The following MPDZ variants were observed in gnomAD, a reference collection of about 807,000 sequenced individuals.
MPDZ encodes the protein multiple PDZ domain crumbs cell polarity complex component.
A neutral mutation model predicts 239.1 loss-of-function variants in MPDZ; 234 were observed. That is an observed-to-expected ratio of 0.98 (90% CI 0.88 to 1.09). The LOEUF is 1.09. MPDZ is among the 50% of genes least tolerant of loss of function. The pLI is 0.00. For missense variants in MPDZ, 3,175 were observed against 2,510.0 expected (o/e 1.26, Z -5.66); for synonymous variants, 1,048 against 881.3 (o/e 1.19, Z -3.35).
rs757792231 is a variant in MPDZ, at chr9:13,110,107, G to A, written c.5830-43C>T. On this transcript the variant is annotated intron_variant, in intron 44 of 46. Coordinates refer to ENST00000319217, the MANE Select transcript of MPDZ (RefSeq NM_001378778.1). ...ATAAACAGAAAAAACACATGTTCCT[G>A]TGGCTAGGGAAAGTAATTTTTCTTC... 6.3e-6 allele frequency: 9 copies of A among 1,438,504 alleles called. No homozygotes were observed. The East Asian group carries it at 1.4e-4, about 22-fold the overall frequency. The allele number at this position is 1,438,504 out of a possible 1,614,324, so 89.1% of individuals were successfully genotyped here.
At chr9:13,108,802 A>T in intron 46 of MPDZ, 134 bp downstream of exon 46, 1 of 806,790 alleles carries the variant, frequency 1.2e-6, no homozygotes, top group Non-Finnish European at 1.7e-6. Context: ...CTGTTCCTGT[A>T]GGGAGTTTTG....
In MPDZ at chr9:13,222,276, C is replaced by A. The variant is rs577701969; in HGVS notation, c.704G>T (p.Arg235Leu). The change falls in exon 6 of 47, where the codon CGT becomes CTT. Residue 235 changes from arginine (R) to leucine (L), a missense_variant. Transcript: ENST00000319217. ...AATTGTGCTGGCTGCAGATGGAGAA[C>A]GGGAAACTATGGGGCTGACAAGCTG... ...LPQLVSPIVS[R>L]SPSAASTISA... 16 of 1,612,726 alleles carry A rather than the reference C, an allele frequency of 9.9e-6. No homozygotes were observed. Among genetic ancestry groups the A allele is most frequent in the South Asian group, 8.8e-5 (8 of 91,022 alleles).
Position 13,276,234 on chromosome 9 carries a change from A to T in MPDZ, c.-58+3166T>A, listed in dbSNP as rs1365317873. Among the ~76,000 whole-genome samples, 9 of 152,276 alleles carry T rather than the reference A, an allele frequency of 5.9e-5. No homozygotes were observed. In the East Asian group the frequency reaches 1.7e-3, roughly 29 times the overall value. Reference sequence around the variant, plus strand: ...TGAATACCTCGGATCTTCTCTGGAAACGTATCACAGGAAGGCAATGGATTC... The same window carrying T: ...TGAATACCTCGGATCTTCTCTGGAATCGTATCACAGGAAGGCAATGGATTC... On this transcript the variant is annotated intron_variant, in intron 1 of 46. Transcript: ENST00000319217.
chr9:13,189,690 C>T (rs1227181778), intron 16 of MPDZ, among the ~76,000 whole-genome samples: 2 of 152,088 alleles, frequency 1.3e-5, no homozygotes, highest in Non-Finnish European at 2.9e-5. Flanking sequence ...TAAGTATATT[C>T]ATAAATTTAG....
intron 24 of MPDZ, among the ~76,000 whole-genome samples, chr9:13,156,532 C>G (rs758166432): frequency 6.6e-6 from 1 of 152,120 alleles, no homozygotes; most frequent in Admixed American, 6.6e-5. Flanking sequence ...ACCATCAGGT[C>G]TCCTGAGGCC....
chr9:13,225,606 C>G (rs1960325094), intron 3 of MPDZ, among the ~76,000 whole-genome samples: 1 of 151,874 alleles, frequency 6.6e-6, no homozygotes, highest in Non-Finnish European at 1.5e-5. Context: ...TGTACCTTTT[C>G]TATATTTAGA....
At chr9:13,201,609 T>C (rs1363103984) in intron 12 of MPDZ, among the ~76,000 whole-genome samples, 4 of 151,994 alleles carry the variant, frequency 2.6e-5, no homozygotes, top group Non-Finnish European at 5.9e-5. Context: ...CTTCACTCTT[T>C]TAAATTCTTT....
At chr9:13,147,520 G>A (rs778855276) in intron 26 of MPDZ, 28 bp downstream of exon 26, 2 of 1,529,100 alleles carry the variant, frequency 1.3e-6, no homozygotes, top group East Asian at 2.3e-5. Context: ...GTTTGGATAT[G>A]CCTACCTTGC....
At chr9:13,123,322 T>C (rs1222609509) in intron 35 of MPDZ, 24 bp from the exon 36 acceptor site, 1 of 1,567,912 alleles carries the variant, frequency 6.4e-7, no homozygotes, top group South Asian at 1.2e-5. Context: ...AAAAATGAAA[T>C]ACAAATAAAA....
intron 10 of MPDZ, among the ~76,000 whole-genome samples, chr9:13,208,362 T>C (rs776107425): frequency 1.3e-5 from 2 of 151,916 alleles, no homozygotes; most frequent in Non-Finnish European, 2.9e-5. Flanking sequence ...GAGGATCACT[T>C]AAGCCCAGAA....
chr9:13,270,837 A>G (rs955142315), intron 1 of MPDZ, among the ~76,000 whole-genome samples: 5 of 152,144 alleles, frequency 3.3e-5, no homozygotes, highest in African/African-American at 1.2e-4. Context: ...CAGAATGGCA[A>G]TTATTTGAAT....
chr9:13,261,266 G>A (rs1478915328), intron 1 of MPDZ, among the ~76,000 whole-genome samples: 2 of 152,148 alleles, frequency 1.3e-5, no homozygotes, highest in African/African-American at 4.8e-5. Context: ...TTCCTTGGGA[G>A]ATGCAACACA....
In MPDZ at chr9:13,150,524, T is replaced by C. The variant is rs1268913048; in HGVS notation, c.3617A>G (p.Asp1206Gly). Residue 1206 changes from aspartate (D) to glycine (G), a missense_variant, in exon 25 of 47, where the codon GAT becomes GGT. Physicochemically the swap from Asp to Gly is moderately conservative, Grantham distance 94. Coordinates refer to ENST00000319217, the MANE Select transcript of MPDZ (RefSeq NM_001378778.1). The part of the protein sequence containing the change: ...AGKNGTLKPG[D>G]RIVEVDGMDL... ...ACTAGAGGGTACCTCTACGATTCTA[T>C]CTCCAGGTTTCAAGGTTCCATTTTT... 7 of 1,566,150 alleles carry C rather than the reference T, an allele frequency of 4.5e-6. No homozygotes were observed. Among genetic ancestry groups the C allele is most frequent in the Non-Finnish European group, 6.1e-6 (7 of 1,154,436 alleles).
chr9:13,247,220 CAT>C lies in MPDZ; in HGVS notation c.183+413_183+414del, dbSNP rs141870920. 5.2e-3 allele frequency among the ~76,000 whole-genome samples: 796 copies of C among 152,286 alleles called. 2 individuals carry two copies. Among genetic ancestry groups the C allele is most frequent in the African/African-American group, 0.018 (745 of 41,566 alleles). The stretch of plus-strand genomic sequence containing the variant: ...AGAGGTGATTTCCCTTCCTCATACA[CAT>C]GATTACACATGCAAATCCACGCTTA... On this transcript the variant is annotated intron_variant, in intron 3 of 46. Coordinates refer to ENST00000319217, the MANE Select transcript of MPDZ (RefSeq NM_001378778.1).
chr9:13,184,150 T>G (rs1473153314), intron 18 of MPDZ, among the ~76,000 whole-genome samples: 1 of 152,082 alleles, frequency 6.6e-6, no homozygotes, highest in African/African-American at 2.4e-5. Context: ...AATTATGATC[T>G]GGTTATGGTG....
intron 23 of MPDZ, among the ~76,000 whole-genome samples, chr9:13,161,134 TA>T (rs1269408382): frequency 6.6e-6 from 1 of 151,674 alleles, no homozygotes; most frequent in Non-Finnish European, 1.5e-5. Context: ...ATTAAACAAA[TA>T]ACATACCTTC....
chr9:13,137,874 G>C lies in MPDZ; in HGVS notation c.4200+83C>G, dbSNP rs1050436366. On this transcript the variant is annotated intron_variant, in intron 29 of 46. Transcript: ENST00000319217. Reference sequence around the variant, plus strand: ...GCAATGGCTTTCTCAGTCACTATAAGGTATGGGTGATTTTCTGGAAACTGA... The same window carrying C: ...GCAATGGCTTTCTCAGTCACTATAACGTATGGGTGATTTTCTGGAAACTGA... 6 of 1,377,964 alleles carry C rather than the reference G, an allele frequency of 4.4e-6. No homozygotes were observed. In the African/African-American group the frequency reaches 7.2e-5, roughly 16 times the overall value. 85.4% of individuals were successfully genotyped at this position (1,377,964 alleles called of 1,614,324 possible). A position where few individuals can be genotyped will look rare whatever the true frequency, so the allele number is the denominator to read the frequency against.
At chr9:13,146,503 C>T (rs374326572) in intron 26 of MPDZ, among the ~76,000 whole-genome samples, 7 of 151,982 alleles carry the variant, frequency 4.6e-5, no homozygotes, top group African/African-American at 1.7e-4. Flanking sequence ...TTAGACGATG[C>T]GTTCAACTTC....
At chr9:13,183,759 G>A (rs974536297) in intron 18 of MPDZ, among the ~76,000 whole-genome samples, 174 bp from the exon 19 acceptor site, 1 of 151,848 alleles carries the variant, frequency 6.6e-6, no homozygotes, top group Non-Finnish European at 1.5e-5. Context: ...AGGATAAATA[G>A]CCCACCTACA....
Sources: allele counts gnomAD v4.1 joint callset (sites outside exome capture counted in the v4.1 genomes callset), GRCh38; gene constraint gnomAD v4.1.1; transcripts MANE v1.5; gene names NCBI Gene and HGNC (gene_info 2026-07-23, HGNC 2026-07-21).